The following SH3YL1 variants were observed in gnomAD, a reference collection of about 807,000 sequenced individuals.
SH3YL1 encodes the protein SH3 and SYLF domain containing 1.
In SH3YL1, 41 loss-of-function variants were observed where a neutral mutation model predicts 45.8. The observed-to-expected ratio is 0.89, with a 90% CI of 0.70 to 1.16. SH3YL1 has a LOEUF of 1.16. Ranked by LOEUF, SH3YL1 falls within the 50% of genes most tolerant of loss-of-function variation. The pLI, the probability that SH3YL1 is intolerant of heterozygous loss-of-function variation, is 0.00. For missense variants in SH3YL1, 389 were observed against 409.6 expected, an observed-to-expected ratio of 0.95 and a Z score of 0.43; for synonymous variants, 152 against 151.4, an observed-to-expected ratio of 1.00 and a Z score of -0.03.
intron 4 of SH3YL1, among the ~76,000 whole-genome samples, chr2:234,714 G>A (rs1400022088): frequency 6.6e-6 from 1 of 152,092 alleles, no homozygotes; most frequent in African/African-American, 2.4e-5. Flanking sequence ...AGGGACGATG[G>A]TGCTGAAGGT....
rs895590251 is a variant in SH3YL1, at chr2:230,918, C to T, written c.702+105G>A. 3.3e-5 allele frequency: 35 copies of T among 1,067,870 alleles called. 1 individual carries two copies. The highest frequency in any genetic ancestry group is 2.0e-4 in the South Asian group (15 of 76,054). 66.1% of individuals were successfully genotyped at this position (1,067,870 alleles called of 1,614,324 possible). On this transcript the variant is annotated intron_variant, in intron 7 of 9. Coordinates refer to ENST00000356150, the MANE Select transcript of SH3YL1 (RefSeq NM_015677.4). ...CAAGAATGTGAAGTCAGTGAAACTA[C>T]GAAGGAGGCTTAGTAGGTTCTTAGG...
intron 4 of SH3YL1, among the ~76,000 whole-genome samples, chr2:246,664 C>A (rs1221207379): frequency 6.6e-6 from 1 of 152,104 alleles, no homozygotes; most frequent in Non-Finnish European, 1.5e-5. Flanking sequence ...GATGAAAATG[C>A]ACTTTCCACC....
intron 4 of SH3YL1, among the ~76,000 whole-genome samples, chr2:238,113 G>A (rs1668385217): frequency 6.6e-6 from 1 of 152,130 alleles, no homozygotes; most frequent in South Asian, 2.1e-4. Context: ...CAGCCTTCAA[G>A]CCCCACATCT....
At chr2:222,977 A>G (rs1325631584) in intron 9 of SH3YL1, 1 of 152,226 alleles carries the variant, frequency 6.6e-6, no homozygotes, top group Non-Finnish European at 1.5e-5. Context: ...AAATTCCGTA[A>G]CGTAAAGTGA....
intron 8 of SH3YL1, among the ~76,000 whole-genome samples, chr2:225,265 T>C (rs952554720): frequency 6.6e-6 from 1 of 152,246 alleles, no homozygotes. Context: ...TTACACTGCA[T>C]AAGAGCCATT....
At chr2:239,628 A>G (rs1481994812) in intron 4 of SH3YL1, 1 of 152,156 alleles carries the variant, frequency 6.6e-6, no homozygotes, top group Admixed American at 6.5e-5. Context: ...TCACTGTTCT[A>G]TAACTAACAA....
intron 4 of SH3YL1, among the ~76,000 whole-genome samples, chr2:236,523 T>G (rs1668309322): frequency 6.6e-6 from 1 of 152,252 alleles, no homozygotes; most frequent in South Asian, 2.1e-4. Context: ...AGGTGGGAAC[T>G]CCATTACTCC....
At chr2:247,093 G>A (rs144279364) in intron 4 of SH3YL1, among the ~76,000 whole-genome samples, 28 of 152,290 alleles carry the variant, frequency 1.8e-4, no homozygotes, top group Admixed American at 9.8e-4. Context: ...CTGAAATAAC[G>A]TGAAGTTCTT....
chr2:262,408 C>G (rs553570849), intron 1 of SH3YL1: 4 of 337,174 alleles, frequency 1.2e-5, no homozygotes, highest in South Asian at 1.1e-4. Context: ...ACAGCGAAAG[C>G]TTTCTCTGCT....
intron 1 of SH3YL1, among the ~76,000 whole-genome samples, chr2:259,084 C>T (rs750125516): frequency 6.6e-6 from 1 of 152,158 alleles, no homozygotes; most frequent in Non-Finnish European, 1.5e-5. Context: ...AGGCAGAAAA[C>T]GGTCACTAAT....
chr2:244,422 G>A (rs1668692348), intron 4 of SH3YL1, among the ~76,000 whole-genome samples: 1 of 152,058 alleles, frequency 6.6e-6, no homozygotes, highest in East Asian at 1.9e-4. Flanking sequence ...CTTGAACCCA[G>A]GAGGCAGAGG....
chr2:229,537 G>A (rs1035085110), intron 8 of SH3YL1, among the ~76,000 whole-genome samples: 3 of 151,700 alleles, frequency 2.0e-5, no homozygotes, highest in African/African-American at 7.3e-5. Flanking sequence ...AGACCATCCC[G>A]GCTAAAACGG....
At position 243,486 on chromosome 2, in the gene SH3YL1, A is replaced by G. The variant is rs1264869924; in HGVS notation, c.291+4052T>C. ...AGATAATATTTTGAGATTAAGGAAAATGAAGACACAACATACCCACACTTA... is the reference window on the plus strand; with the variant it reads ...AGATAATATTTTGAGATTAAGGAAAGTGAAGACACAACATACCCACACTTA... On this transcript the variant is annotated intron_variant, in intron 4 of 9. Coordinates refer to ENST00000356150, the MANE Select transcript of SH3YL1 (RefSeq NM_015677.4). 2.0e-6 allele frequency: 3 copies of G among 1,511,860 alleles called. No individual in the cohort carries two copies. The East Asian group carries it at 7.6e-5, about 38-fold the overall frequency. 93.7% of individuals were successfully genotyped at this position (1,511,860 alleles called of 1,614,324 possible). A position where few individuals can be genotyped will look rare whatever the true frequency, so the allele number is the denominator to read the frequency against.
intron 4 of SH3YL1, among the ~76,000 whole-genome samples, chr2:235,828 T>G (rs548225697): frequency 1.4e-4 from 1 of 7,092 alleles, no homozygotes; most frequent in Non-Finnish European, 3.0e-4. Context: ...GGAGGCAGCA[T>G]GGGCCAGGGG....
chr2:262,802 G>A, intron 1 of SH3YL1: 1 of 890,378 alleles, frequency 1.1e-6, no homozygotes, highest in Non-Finnish European at 1.5e-6. Context: ...CAGAACAAAA[G>A]TATCAAATCA....
intron 4 of SH3YL1, among the ~76,000 whole-genome samples, chr2:245,933 T>C (rs1331609814): frequency 6.6e-6 from 1 of 152,132 alleles, no homozygotes; most frequent in Admixed American, 6.5e-5. Flanking sequence ...CGGTGGCTCA[T>C]GCCTGTAATC....
chr2:245,367 G>A (rs778888778), intron 4 of SH3YL1, among the ~76,000 whole-genome samples: 1 of 152,184 alleles, frequency 6.6e-6, no homozygotes, highest in Non-Finnish European at 1.5e-5. Flanking sequence ...TTTCCATACT[G>A]TCATGAAGAC....
intron 9 of SH3YL1, among the ~76,000 whole-genome samples, chr2:224,367 A>T (rs1667704502): frequency 6.6e-6 from 1 of 152,256 alleles, no homozygotes; most frequent in Admixed American, 6.5e-5. Context: ...TTAGAAATAT[A>T]AAATTTATGG....
Position 218,757 on chromosome 2 carries a change from G to A in SH3YL1, c.*54C>T. The A allele has an allele frequency of 7.1e-7, 1 of 1,404,220 alleles. No homozygotes were observed. The highest frequency in any genetic ancestry group is 1.5e-5 in the South Asian group (1 of 65,920). 87.0% of individuals were successfully genotyped at this position (1,404,220 alleles called of 1,614,324 possible). Reference sequence around the variant, plus strand: ...AAACATTGCTTAACTAGTAAATCCTGTCAGTGTAGAAATAATTTTTTTGTA... The same window carrying A: ...AAACATTGCTTAACTAGTAAATCCTATCAGTGTAGAAATAATTTTTTTGTA... On this transcript the variant is annotated 3_prime_UTR_variant, in exon 10 of 10. Coordinates refer to ENST00000356150, the MANE Select transcript of SH3YL1 (RefSeq NM_015677.4).
Sources: gnomAD v4.1 joint callset for allele counts (sites outside exome capture counted in the v4.1 genomes callset) on GRCh38, gnomAD v4.1.1 for gene constraint, MANE v1.5 for transcripts, NCBI Gene and HGNC (gene_info 2026-07-23, HGNC 2026-07-21) for gene names.